The following PRRT4 variants were observed in gnomAD, a reference collection of about 807,000 sequenced individuals.
PRRT4 encodes the protein proline-rich transmembrane protein 4.
Under a neutral mutation model 55.6 loss-of-function variants are expected in PRRT4, and 59 were observed. The observed-to-expected ratio is 1.06, with a 90% CI of 0.86 to 1.32. The LOEUF (loss-of-function observed/expected upper bound fraction) is 1.32. Among genes scored for constraint, PRRT4 ranks in the 40% most tolerant of loss-of-function variants. The pLI, the probability that PRRT4 is intolerant of heterozygous loss-of-function variation, is 0.00. For missense variants in PRRT4, 1,217 were observed against 1,222.0 expected, an observed-to-expected ratio of 1.00 and a Z score of 0.06; for synonymous variants, 606 against 601.8, an observed-to-expected ratio of 1.01 and a Z score of -0.10.
intron 1 of PRRT4, among the ~76,000 whole-genome samples, chr7:128,360,311 A>G (rs925026225): frequency 1.3e-5 from 2 of 152,156 alleles, no homozygotes. Context: ...GTCTGACTGC[A>G]ACCAGGGGCC....
chr7:128,351,846 C>G lies in PRRT4; in HGVS notation c.1710G>C (p.Leu570=), dbSNP rs999846140. 15 of 1,340,496 alleles carry G rather than the reference C, an allele frequency of 1.1e-5. No homozygotes were observed. In the African/African-American group the frequency reaches 2.3e-4, roughly 21 times the overall value. 83.0% of individuals were successfully genotyped at this position (1,340,496 alleles called of 1,614,324 possible). ...CCTCATAGCCCTGCAGGGCTCCGCTCAGCAGCCCGAAGGTGCCCGCCACCG... is the reference window on the plus strand; with the variant it reads ...CCTCATAGCCCTGCAGGGCTCCGCTGAGCAGCCCGAAGGTGCCCGCCACCG... The change falls in exon 5 of 5, where the codon CTG becomes CTC. Residue 570 remains leucine, a synonymous_variant. Transcript: ENST00000535159.
chr7:128,352,040 C>A (rs1318389468), exon 5 of PRRT4: 3 of 1,294,664 alleles, frequency 2.3e-6, no homozygotes, highest in South Asian at 2.1e-5. Flanking sequence ...AGGAAAGCGG[C>A]GAGAAAGGCG....
At chr7:128,353,835 C>T (rs969309719) in intron 4 of PRRT4, among the ~76,000 whole-genome samples, 2 of 152,204 alleles carry the variant, frequency 1.3e-5, no homozygotes, top group African/African-American at 2.4e-5. Flanking sequence ...CTAGCCCCAT[C>T]CTGTGCTCCA....
upstream of PRRT4, among the ~76,000 whole-genome samples, chr7:128,361,869 C>T (rs1272986800): frequency 6.6e-6 from 1 of 152,200 alleles, no homozygotes; most frequent in Non-Finnish European, 1.5e-5. Context: ...CGCTCATTCA[C>T]CCAGCGCTGT....
chr7:128,359,635 G>C, exon 2 of PRRT4: 1 of 1,540,912 alleles, frequency 6.5e-7, no homozygotes, highest in South Asian at 1.2e-5. Context: ...GGGGCTTTGA[G>C]CCACCTTCGG....
At chr7:128,353,103 A>G (rs1797037282) in intron 4 of PRRT4, among the ~76,000 whole-genome samples, 2 of 152,038 alleles carry the variant, frequency 1.3e-5, no homozygotes, top group Non-Finnish European at 2.9e-5. Flanking sequence ...CTGAATCTCC[A>G]TACTTAAATT....
At chr7:128,351,443 C>A in exon 5 of PRRT4, 2 of 1,523,968 alleles carry the variant, frequency 1.3e-6, no homozygotes, top group Admixed American at 2.0e-5. Flanking sequence ...GGGGACGGGG[C>A]CGGGTTGGCC....
At chr7:128,352,073 G>A in exon 5 of PRRT4, 1 of 1,187,004 alleles carries the variant, frequency 8.4e-7, no homozygotes, top group Non-Finnish European at 1.0e-6. Flanking sequence ...GAGGCGAGCC[G>A]CAGGGGCCGC....
chr7:128,350,691 TAG>T, downstream of PRRT4: 1 of 1,100,262 alleles, frequency 9.1e-7, no homozygotes, highest in Non-Finnish European at 1.3e-6. Context: ...TCCCAATCGA[TAG>T]AGCCTGGCTG....
At chr7:128,356,258 AT>A (rs139936494) in intron 4 of PRRT4, among the ~76,000 whole-genome samples, 137 of 152,330 alleles carry the variant, frequency 9.0e-4, no homozygotes, top group Non-Finnish European at 1.7e-3. Context: ...TCTCAAAAAA[AT>A]AAATAAATAA....
At chr7:128,352,031 G>C in exon 5 of PRRT4, 1 of 1,302,840 alleles carries the variant, frequency 7.7e-7, no homozygotes, top group Admixed American at 3.3e-5. Flanking sequence ...AGCCCGGAAA[G>C]GAAAGCGGCG....
In PRRT4 at chr7:128,358,133, A is replaced by G. The variant is rs569129951; in HGVS notation, c.877+548T>C. Among the ~76,000 whole-genome samples the G allele has an allele frequency of 5.8e-4, 88 of 152,358 alleles. 1 individual carries two copies. In the Middle Eastern group the frequency reaches 0.01, roughly 18 times the overall value. On this transcript the variant is annotated intron_variant, in intron 4 of 4. Coordinates refer to ENST00000535159, the Ensembl canonical transcript of PRRT4. The surrounding 1 kb of genome is among the most constrained non-coding windows in gnomAD (Gnocchi z 4.4). ...AAATTGTGATTCAAAGCCAGGTCTC[A>G]AGATTCCCGAGCCTGTGGTCTTTCC...
exon 5 of PRRT4, chr7:128,352,235 G>A: frequency 1.3e-6 from 2 of 1,539,052 alleles, no homozygotes; most frequent in South Asian, 2.4e-5. Flanking sequence ...AAGCAGGGCA[G>A]CGGAAGGTCC....
At chr7:128,352,553 G>C in exon 5 of PRRT4, 1 of 1,544,674 alleles carries the variant, frequency 6.5e-7, no homozygotes, top group South Asian at 1.2e-5. Context: ...TCGGGAGGCT[G>C]CCCCTCGCGT....
At chr7:128,359,296 G>A in intron 2 of PRRT4, 43 bp from the exon 4 acceptor site, 1 of 1,534,328 alleles carries the variant, frequency 6.5e-7, no homozygotes, top group East Asian at 2.4e-5. Flanking sequence ...TACCTGCCAG[G>A]GGTGCCCAGC....
At chr7:128,351,665 G>GCGGCACGCGAGGACTGCAGAGCGC in exon 5 of PRRT4, 1 of 1,513,154 alleles carries the variant, frequency 6.6e-7, no homozygotes, top group Non-Finnish European at 8.8e-7. Flanking sequence ...CAGCAGCGCG[G>GCGGCACGCGAGGACTGCAGAGCGC]CGGCACGCGA....
At chr7:128,353,205 G>T (rs1172366244) in intron 4 of PRRT4, among the ~76,000 whole-genome samples, 2 of 152,104 alleles carry the variant, frequency 1.3e-5, no homozygotes, top group Non-Finnish European at 2.9e-5. Flanking sequence ...TCTTCTGAGA[G>T]GCAAAGTGAC....
At chr7:128,359,993 GC>G in exon 2 of PRRT4, 1 of 1,310,412 alleles carries the variant, frequency 7.6e-7, no homozygotes, top group Non-Finnish European at 9.8e-7. Context: ...CCTGGCCATG[GC>G]CCCACCTGGC....
intron 1 of PRRT4, 135 bp from the exon 3 acceptor site, chr7:128,360,198 T>C (rs1797214961): frequency 4.9e-6 from 2 of 408,196 alleles, no homozygotes; most frequent in Non-Finnish European, 8.5e-6. Flanking sequence ...GTCCTGTCCA[T>C]GGCTCTGGCT....
Sources: gnomAD v4.1 joint callset for allele counts (sites outside exome capture counted in the v4.1 genomes callset) on GRCh38, gnomAD v4.1.1 for gene constraint, Gnocchi (gnomAD v3.1) non-coding constraint, MANE v1.5 for transcripts, NCBI Gene and HGNC (gene_info 2026-07-23, HGNC 2026-07-21) for gene names.